The following AGBL1 variants were observed in gnomAD, a reference collection of about 807,000 sequenced individuals.
The protein encoded by AGBL1 is cytosolic carboxypeptidase 4.
Under a neutral mutation model 118.9 loss-of-function variants are expected in AGBL1, and 130 were observed. The observed-to-expected ratio is 1.09, with a 90% CI of 0.95 to 1.26. AGBL1 has a LOEUF of 1.26. AGBL1 is among the 50% of genes most tolerant of loss of function. AGBL1 has a pLI of 0.00. For synonymous variants in AGBL1, 555 were observed against 478.9 expected (o/e 1.16, Z -2.08); for missense variants, 1,584 against 1,298.1 (o/e 1.22, Z -3.38).
At chr15:86,101,132 T>A (rs930827993) in intron 1 of AGBL1, among the ~76,000 whole-genome samples, 1 of 152,182 alleles carries the variant, frequency 6.6e-6, no homozygotes, top group Non-Finnish European at 1.5e-5. Context: ...TAATAGTCAA[T>A]CAGGATCACG....
intron 18 of AGBL1, among the ~76,000 whole-genome samples, chr15:86,428,863 T>C (rs2081898870): frequency 6.6e-6 from 1 of 152,240 alleles, no homozygotes; most frequent in African/African-American, 2.4e-5. Flanking sequence ...TGGAGACTCA[T>C]GTTCTCATCT....
chr15:86,526,855 G>A (rs1226455593), intron 19 of AGBL1, among the ~76,000 whole-genome samples: 1 of 151,950 alleles, frequency 6.6e-6, no homozygotes, highest in East Asian at 1.9e-4. Context: ...AAACAGAAGG[G>A]GGTTGGTGGG....
At chr15:86,638,131 T>G (rs2085128870) in intron 21 of AGBL1, among the ~76,000 whole-genome samples, 1 of 152,134 alleles carries the variant, frequency 6.6e-6, no homozygotes, top group Non-Finnish European at 1.5e-5. Context: ...GCTCCTGCCC[T>G]TTTGAAAAAA....
At chr15:86,543,731 T>C (rs2083536545) in intron 19 of AGBL1, among the ~76,000 whole-genome samples, 1 of 152,208 alleles carries the variant, frequency 6.6e-6, no homozygotes, top group South Asian at 2.1e-4. Flanking sequence ...ATCAACCAAC[T>C]GGCCCTACCC....
intron 18 of AGBL1, among the ~76,000 whole-genome samples, chr15:86,464,967 A>T (rs2142092112): frequency 6.6e-6 from 1 of 151,708 alleles, no homozygotes; most frequent in South Asian, 2.1e-4. Context: ...TGGGTTGGGG[A>T]GGTTCTCCTG....
chr15:86,268,748 G>C (rs892164092), intron 13 of AGBL1, among the ~76,000 whole-genome samples: 8 of 152,166 alleles, frequency 5.3e-5, no homozygotes, highest in South Asian at 4.2e-4. Context: ...CCAGTGGTTA[G>C]AGTGTGGTGC....
chr15:86,267,207 A>G (rs2079088477), intron 13 of AGBL1, 131 bp downstream of exon 13: 3 of 723,526 alleles, frequency 4.1e-6, no homozygotes, highest in South Asian at 3.5e-5. Flanking sequence ...GAATATTTAT[A>G]TCATAAAAAT....
intron 22 of AGBL1, among the ~76,000 whole-genome samples, chr15:86,709,494 G>A (rs1201911958): frequency 1.3e-5 from 2 of 152,092 alleles, no homozygotes; most frequent in African/African-American, 2.4e-5. Flanking sequence ...AAACTGAATG[G>A]CATTGGCTCG....
intron 22 of AGBL1, among the ~76,000 whole-genome samples, chr15:86,781,061 T>C (rs2078329310): frequency 6.6e-6 from 1 of 152,222 alleles, no homozygotes; most frequent in Non-Finnish European, 1.5e-5. Context: ...CATGTTCTGA[T>C]GTTATTGTAA....
intron 6 of AGBL1, among the ~76,000 whole-genome samples, chr15:86,238,734 A>G (rs761542401): frequency 6.6e-5 from 10 of 151,914 alleles, no homozygotes; most frequent in Non-Finnish European, 1.3e-4. Flanking sequence ...TGTGAGATAG[A>G]CTCCTCATAT....
At chr15:86,493,383 AG>A (rs1315535269) in intron 18 of AGBL1, among the ~76,000 whole-genome samples, 3 of 152,004 alleles carry the variant, frequency 2.0e-5, no homozygotes, top group Non-Finnish European at 2.9e-5. Context: ...AGTATTTCGG[AG>A]GAAAAGGGGT....
At chr15:86,312,173 G>A (rs2079931220) in intron 17 of AGBL1, 2 of 152,324 alleles carry the variant, frequency 1.3e-5, no homozygotes, top group Middle Eastern at 3.4e-3. Flanking sequence ...AGATTGTATT[G>A]TACTACCACT....
chr15:86,134,878 G>C (rs757647905), intron 1 of AGBL1, among the ~76,000 whole-genome samples: 5 of 151,828 alleles, frequency 3.3e-5, no homozygotes, highest in Non-Finnish European at 5.9e-5. Flanking sequence ...CTCCCAAAGT[G>C]CTGGGATTAC....
chr15:86,969,034 C>T (rs952092590), intron 23 of AGBL1, among the ~76,000 whole-genome samples: 3 of 151,954 alleles, frequency 2.0e-5, no homozygotes, highest in Non-Finnish European at 4.4e-5. Context: ...TGAGGAGAAA[C>T]ATTTAAATCA....
intron 22 of AGBL1, among the ~76,000 whole-genome samples, chr15:86,690,658 G>T (rs1390500812): frequency 3.3e-5 from 5 of 152,152 alleles, no homozygotes; most frequent in African/African-American, 1.2e-4. Context: ...AGGCACAGAA[G>T]AGTAGTGTGT....
At chr15:86,660,293 C>T (rs573990252) in intron 21 of AGBL1, among the ~76,000 whole-genome samples, 20 of 152,108 alleles carry the variant, frequency 1.3e-4, no homozygotes, top group African/African-American at 3.1e-4. Flanking sequence ...TCAAACTGCT[C>T]AGGTCCTAGA....
intron 2 of AGBL1, 110 bp downstream of exon 2, chr15:86,142,177 T>C (rs2076972561): frequency 2.8e-6 from 3 of 1,079,636 alleles, no homozygotes; most frequent in Non-Finnish European, 4.1e-6. Context: ...TTCAGTTTCC[T>C]GTGAGAGGCA....
chr15:86,542,906 T>C (rs983428849), intron 19 of AGBL1, among the ~76,000 whole-genome samples: 8 of 152,232 alleles, frequency 5.3e-5, no homozygotes, highest in Admixed American at 1.3e-4. Context: ...CCTATCTGTG[T>C]CTTTTTATTT....
intron 17 of AGBL1, among the ~76,000 whole-genome samples, chr15:86,320,507 C>T (rs1002084407): frequency 2.6e-5 from 4 of 151,646 alleles, no homozygotes; most frequent in Non-Finnish European, 5.9e-5. Context: ...TTTTGCAAAA[C>T]TTTAGAATTT....
Sources: allele counts gnomAD v4.1 joint callset (sites outside exome capture counted in the v4.1 genomes callset), GRCh38; gene constraint gnomAD v4.1.1; transcripts MANE v1.5; gene names NCBI Gene and HGNC (gene_info 2026-07-23, HGNC 2026-07-21).